FGGY: variants seen among roughly 807,000 people sequenced by gnomAD.
The protein encoded by FGGY is FGGY carbohydrate kinase domain-containing protein.
FGGY carries 72 observed loss-of-function variants against 71.3 expected under a neutral mutation model. That is an observed-to-expected ratio of 1.01 (90% CI 0.84 to 1.23). The LOEUF is 1.23. Among genes scored for constraint, FGGY ranks in the 50% most tolerant of loss-of-function variants. The probability of loss-of-function intolerance (pLI) is 0.00; values close to 1 mark genes in which losing one functional copy is unlikely to be tolerated. For synonymous variants in FGGY, 251 were observed against 250.3 expected (o/e 1.00, Z -0.02); for missense variants, 668 against 682.3 (o/e 0.98, Z 0.23).
At chr1:59,707,317 G>T (rs1230114565) in intron 14 of FGGY, among the ~76,000 whole-genome samples, 1 of 152,214 alleles carries the variant, frequency 6.6e-6, no homozygotes, top group African/African-American at 2.4e-5. Context: ...GCCCAAGTCT[G>T]TCCAACTCTA....
At chr1:59,380,065 G>A (rs945165349) in intron 5 of FGGY, among the ~76,000 whole-genome samples, 3 of 151,872 alleles carry the variant, frequency 2.0e-5, no homozygotes, top group Non-Finnish European at 2.9e-5. Context: ...TTGTCCTTGC[G>A]ATAGATTGCT....
chr1:59,623,630 T>C (rs977263833), intron 9 of FGGY, among the ~76,000 whole-genome samples: 2 of 152,298 alleles, frequency 1.3e-5, no homozygotes, highest in East Asian at 3.9e-4. Context: ...CCAGCCTCCT[T>C]TCTGTCATGC....
At chr1:59,313,813 C>T (rs1178549497) in intron 1 of FGGY, among the ~76,000 whole-genome samples, 1 of 151,984 alleles carries the variant, frequency 6.6e-6, no homozygotes, top group African/African-American at 2.4e-5. Flanking sequence ...TGGGAAAGAG[C>T]GGGAAGGGAG....
chr1:59,628,563 A>G (rs1057141393), intron 10 of FGGY, among the ~76,000 whole-genome samples: 2 of 152,190 alleles, frequency 1.3e-5, no homozygotes, highest in African/African-American at 2.4e-5. Flanking sequence ...ATTTATGGCA[A>G]TTTCTTAGGT....
intron 4 of FGGY, among the ~76,000 whole-genome samples, chr1:59,363,471 G>A (rs760837293): frequency 1.3e-4 from 20 of 152,156 alleles, no homozygotes; most frequent in Non-Finnish European, 2.2e-4. Flanking sequence ...CACTATTATT[G>A]TCCTCAGTAA....
intron 6 of FGGY, among the ~76,000 whole-genome samples, chr1:59,468,412 CAG>C (rs1401831476): frequency 2.0e-5 from 3 of 152,174 alleles, no homozygotes; most frequent in East Asian, 1.9e-4. Flanking sequence ...GCAAATCTCT[CAG>C]AGACTTTTCT....
At chr1:59,637,001 A>G (rs942865301) in intron 10 of FGGY, among the ~76,000 whole-genome samples, 3 of 152,366 alleles carry the variant, frequency 2.0e-5, no homozygotes, top group East Asian at 1.9e-4. Context: ...AACTACTGCA[A>G]TATCCACTTT....
intron 8 of FGGY, among the ~76,000 whole-genome samples, chr1:59,576,577 G>A (rs1405862575): frequency 6.6e-6 from 1 of 151,508 alleles, no homozygotes; most frequent in Non-Finnish European, 1.5e-5. Flanking sequence ...TAATAAATAA[G>A]CATTCTCATC....
intron 2 of FGGY, among the ~76,000 whole-genome samples, chr1:59,325,139 G>T (rs1369343777): frequency 6.6e-6 from 1 of 152,092 alleles, no homozygotes. Flanking sequence ...GGATCACGAG[G>T]TCAGGAGATT....
At chr1:59,549,955 A>G (rs1052898893) in intron 7 of FGGY, among the ~76,000 whole-genome samples, 1 of 152,152 alleles carries the variant, frequency 6.6e-6, no homozygotes, top group African/African-American at 2.4e-5. Context: ...TGTGTGTTAC[A>G]TGGAGGGTTG....
At chr1:59,539,095 A>G (rs2153683678) in intron 7 of FGGY, among the ~76,000 whole-genome samples, 1 of 152,338 alleles carries the variant, frequency 6.6e-6, no homozygotes, top group Admixed American at 6.5e-5. Context: ...CTATGCAGAA[A>G]GGTATAAAAC....
intron 5 of FGGY, among the ~76,000 whole-genome samples, chr1:59,392,728 AC>A (rs1215659239): frequency 2.0e-5 from 3 of 152,006 alleles, no homozygotes; most frequent in Admixed American, 6.6e-5. Flanking sequence ...GAAAAAATAT[AC>A]CTTCTTTTAA....
intron 14 of FGGY, among the ~76,000 whole-genome samples, chr1:59,721,111 A>G (rs2097888299): frequency 6.6e-6 from 1 of 151,940 alleles, no homozygotes; most frequent in Non-Finnish European, 1.5e-5. Flanking sequence ...CACCCTATAC[A>G]AACTGCCTGC....
At chr1:59,590,680 G>GA (rs2096414285) in intron 8 of FGGY, among the ~76,000 whole-genome samples, 1 of 152,054 alleles carries the variant, frequency 6.6e-6, no homozygotes, top group Admixed American at 6.6e-5. Flanking sequence ...AGAACCAAAG[G>GA]AAAAAACCAC....
chr1:59,465,790 A>G (rs997848691), intron 6 of FGGY, among the ~76,000 whole-genome samples: 5 of 152,214 alleles, frequency 3.3e-5, no homozygotes, highest in East Asian at 1.9e-4. Flanking sequence ...TAGAAATCCA[A>G]CTTACAAAGG....
At chr1:59,689,763 G>A (rs769680742) in intron 14 of FGGY, among the ~76,000 whole-genome samples, 4 of 152,006 alleles carry the variant, frequency 2.6e-5, no homozygotes, top group Admixed American at 6.6e-5. Flanking sequence ...TTGTGTATAG[G>A]GTGTTATAAA....
At chr1:59,373,926 C>T (rs371886862) in intron 4 of FGGY, among the ~76,000 whole-genome samples, 47 of 152,248 alleles carry the variant, frequency 3.1e-4, no homozygotes, top group East Asian at 3.9e-4. Context: ...AAGACTTAAA[C>T]GTTAGACCTA....
At chr1:59,335,789 C>T (rs906423941) in intron 2 of FGGY, among the ~76,000 whole-genome samples, 1 of 152,064 alleles carries the variant, frequency 6.6e-6, no homozygotes, top group African/African-American at 2.4e-5. Context: ...TTCATGTGTA[C>T]ATTGGCCATT....
At chr1:59,486,914 G>T (rs1007093091) in intron 6 of FGGY, among the ~76,000 whole-genome samples, 2 of 152,106 alleles carry the variant, frequency 1.3e-5, no homozygotes, top group Non-Finnish European at 2.9e-5. Context: ...ATTAATTCCG[G>T]TATTTCTTTT....
Sources: gnomAD v4.1 joint callset for allele counts (sites outside exome capture counted in the v4.1 genomes callset) on GRCh38, gnomAD v4.1.1 for gene constraint, MANE v1.5 for transcripts, NCBI Gene and HGNC (gene_info 2026-07-23, HGNC 2026-07-21) for gene names.